Variants in TNNI3K observed in about 807,000 individuals in gnomAD.
TNNI3K encodes TNNI3 interacting kinase.
In TNNI3K, 140 loss-of-function variants were observed where a neutral mutation model predicts 114.5. The ratio of observed to expected loss-of-function variants is 1.22; its 90% CI spans 1.07 to 1.41. TNNI3K has a LOEUF of 1.41. TNNI3K is among the 40% of genes most tolerant of loss of function. TNNI3K has a pLI of 0.00. For missense variants in TNNI3K, 1,125 were observed against 1,007.6 expected (o/e 1.12, Z -1.58); for synonymous variants, 347 against 347.5 (o/e 1.00, Z 0.02).
chr1:74,447,038 C>A (rs2100687506), intron 20 of TNNI3K, among the ~76,000 whole-genome samples: 1 of 140,586 alleles, frequency 7.1e-6, no homozygotes. Context: ...TTTTTTGGTT[C>A]CATATGAACT....
chr1:74,521,550 G>A (rs975165625), intron 23 of TNNI3K, among the ~76,000 whole-genome samples: 1 of 151,828 alleles, frequency 6.6e-6, no homozygotes, highest in Non-Finnish European at 1.5e-5. Context: ...ATACATATAT[G>A]CAGTCAAAAT....
intron 21 of TNNI3K, among the ~76,000 whole-genome samples, chr1:74,473,954 C>CT (rs1421815004): frequency 2.6e-5 from 4 of 152,070 alleles, no homozygotes; most frequent in Non-Finnish European, 5.9e-5. Flanking sequence ...GGCAATTTTT[C>CT]TTTACCGATT....
chr1:74,351,081 G>A (rs1338655840), intron 9 of TNNI3K, among the ~76,000 whole-genome samples: 1 of 151,430 alleles, frequency 6.6e-6, no homozygotes, highest in East Asian at 1.9e-4. Flanking sequence ...TTACAATTTG[G>A]CATGTTTTTG....
chr1:74,420,355 C>T (rs1276386749), intron 17 of TNNI3K, among the ~76,000 whole-genome samples: 2 of 152,054 alleles, frequency 1.3e-5, no homozygotes, highest in Non-Finnish European at 2.9e-5. Flanking sequence ...AAGAAAAGAA[C>T]AATGTAGGAC....
intron 9 of TNNI3K, among the ~76,000 whole-genome samples, chr1:74,350,927 C>T (rs1358304406): frequency 2.0e-5 from 3 of 151,968 alleles, no homozygotes; most frequent in Non-Finnish European, 4.4e-5. Context: ...TCCATTTTGC[C>T]AGTCTGTGCC....
At chr1:74,341,812 G>T (rs1660760183) in intron 7 of TNNI3K, 1 of 152,056 alleles carries the variant, frequency 6.6e-6, no homozygotes, top group African/African-American at 2.4e-5. Flanking sequence ...AACAATGCAG[G>T]GCATTGAATC....
chr1:74,398,610 GT>G (rs1664201885), intron 17 of TNNI3K, among the ~76,000 whole-genome samples: 1 of 152,188 alleles, frequency 6.6e-6, no homozygotes, highest in South Asian at 2.1e-4. Flanking sequence ...CTCAGGCTGG[GT>G]GGAGGCCTTC....
At chr1:74,249,369 T>C in intron 2 of TNNI3K, 90 bp from the exon 3 acceptor site, 1 of 1,283,166 alleles carries the variant, frequency 7.8e-7, no homozygotes, top group Non-Finnish European at 1.1e-6. Flanking sequence ...TCTGAATTGA[T>C]AGTAACAGGA....
intron 21 of TNNI3K, chr1:74,468,315 G>C (rs1024135259): frequency 2.0e-5 from 3 of 151,934 alleles, no homozygotes; most frequent in African/African-American, 7.3e-5. Flanking sequence ...AAAGTGACCT[G>C]GTCTACAAAG....
At chr1:74,445,785 T>C (rs1666629361) in intron 20 of TNNI3K, among the ~76,000 whole-genome samples, 1 of 151,878 alleles carries the variant, frequency 6.6e-6, no homozygotes, top group African/African-American at 2.4e-5. Context: ...TAACTTTTTG[T>C]ATTTTTAGTA....
At position 74,274,601 on chromosome 1, in the gene TNNI3K, A is replaced by C. The variant is rs139430824; in HGVS notation, c.444+2893A>C. Among the ~76,000 whole-genome samples, 413 of 152,192 alleles carry C rather than the reference A, an allele frequency of 2.7e-3. 4 individuals carry two copies. The highest frequency in any genetic ancestry group is 9.4e-3 in the African/African-American group (390 of 41,536). On this transcript the variant is annotated intron_variant, in intron 5 of 24. Coordinates refer to ENST00000326637, the MANE Select transcript of TNNI3K (RefSeq NM_015978.3). ...GCACACAAAATAAATATGCAGAAAA[A>C]ATATATAAGCAATTCAAATGTAAAA...
intron 23 of TNNI3K, among the ~76,000 whole-genome samples, chr1:74,513,335 C>T (rs1646292341): frequency 6.6e-6 from 1 of 152,170 alleles, no homozygotes; most frequent in Admixed American, 6.5e-5. Context: ...GTGTTCTTAT[C>T]AGAGTGAGTC....
At chr1:74,259,640 G>A (rs1318522552) in intron 4 of TNNI3K, among the ~76,000 whole-genome samples, 1 of 152,144 alleles carries the variant, frequency 6.6e-6, no homozygotes. Context: ...ATATGTGGTG[G>A]TGTGCGCCTA....
rs1570416812 is a variant in TNNI3K at position 74,284,223 on chromosome 1, C to A, written c.444+12515C>A. ...TCCTGGGATGGTGTTTAGACAGTGG[C>A]CTTTGAGTATTGGATATTCTATAAA... On this transcript the variant is annotated intron_variant, in intron 5 of 24. Transcript: ENST00000326637. Among the ~76,000 whole-genome samples the A allele has an allele frequency of 3.3e-5, 5 of 152,240 alleles. No homozygotes were observed. The East Asian group carries it at 9.6e-4, about 29-fold the overall frequency.
intron 17 of TNNI3K, among the ~76,000 whole-genome samples, chr1:74,429,215 A>G (rs1265875986): frequency 1.3e-5 from 2 of 152,072 alleles, no homozygotes; most frequent in African/African-American, 4.8e-5. Flanking sequence ...ATGATCAACA[A>G]TTGTTACCTA....
chr1:74,499,007 C>G (rs1212758839), intron 23 of TNNI3K, among the ~76,000 whole-genome samples: 4 of 152,122 alleles, frequency 2.6e-5, no homozygotes, highest in Non-Finnish European at 5.9e-5. Context: ...TTGACTCATT[C>G]ATTTTATATT....
At chr1:74,441,387 A>G (rs2100673587) in intron 20 of TNNI3K, among the ~76,000 whole-genome samples, 1 of 152,222 alleles carries the variant, frequency 6.6e-6, no homozygotes, top group Non-Finnish European at 1.5e-5. Context: ...GTAATATTTC[A>G]TATTATAGAT....
intron 21 of TNNI3K, chr1:74,469,510 C>A (rs1667819794): frequency 6.1e-6 from 1 of 162,874 alleles, no homozygotes; most frequent in South Asian, 2.0e-4. Flanking sequence ...TAATAATTTA[C>A]ATGAAATAAA....
chr1:74,335,121 T>C (rs2100422658), intron 6 of TNNI3K, among the ~76,000 whole-genome samples: 1 of 152,312 alleles, frequency 6.6e-6, no homozygotes, highest in African/African-American at 2.4e-5. Context: ...TGTATGTCAG[T>C]CATTGTGCTA....
Sources: allele counts gnomAD v4.1 joint callset (sites outside exome capture counted in the v4.1 genomes callset), GRCh38; gene constraint gnomAD v4.1.1; transcripts MANE v1.5; gene names NCBI Gene and HGNC (gene_info 2026-07-23, HGNC 2026-07-21).